Variants in UTRN observed in about 807,000 individuals in gnomAD.
UTRN encodes the protein utrophin.
A neutral mutation model predicts 463.9 loss-of-function variants in UTRN; 283 were observed. That is an observed-to-expected ratio of 0.61 (90% CI 0.55 to 0.67). UTRN has a LOEUF of 0.67. UTRN is among the 30% of genes least tolerant of loss of function. UTRN has a pLI of 0.00. For synonymous variants in UTRN, 1,442 were observed against 1,431.5 expected, an observed-to-expected ratio of 1.01 and a Z score of -0.17; for missense variants, 3,922 against 4,084.3, an observed-to-expected ratio of 0.96 and a Z score of 1.08.
At chr6:144,328,738 T>TC (rs1011409586) in intron 2 of UTRN, among the ~76,000 whole-genome samples, 9 of 151,986 alleles carry the variant, frequency 5.9e-5, no homozygotes, top group Admixed American at 3.3e-4. Flanking sequence ...TTTATCTTCA[T>TC]CCCCCCTTCA....
intron 43 of UTRN, among the ~76,000 whole-genome samples, chr6:144,536,778 A>C (rs190130378): frequency 3.3e-5 from 5 of 152,138 alleles, no homozygotes; most frequent in Non-Finnish European, 5.9e-5. Context: ...TAGCTTTCAA[A>C]TCCTTTTAAA....
intron 73 of UTRN, among the ~76,000 whole-genome samples, chr6:144,844,327 G>A (rs1781842480): frequency 6.6e-6 from 1 of 150,474 alleles, no homozygotes; most frequent in Non-Finnish European, 1.5e-5. Flanking sequence ...GGAGTTCAAT[G>A]GCACGATCTC....
At chr6:144,326,344 A>G (rs1344037193) in intron 2 of UTRN, among the ~76,000 whole-genome samples, 1 of 151,848 alleles carries the variant, frequency 6.6e-6, no homozygotes, top group Non-Finnish European at 1.5e-5. Context: ...TCAGCACCAA[A>G]TTCTTGCTGT....
chr6:144,675,702 G>T (rs116100697), intron 51 of UTRN, among the ~76,000 whole-genome samples: 1 of 152,138 alleles, frequency 6.6e-6, no homozygotes, highest in African/African-American at 2.4e-5. Context: ...GATGGGTAAG[G>T]CTGTAAAACT....
intron 51 of UTRN, among the ~76,000 whole-genome samples, chr6:144,664,860 T>C (rs1360118533): frequency 6.6e-6 from 1 of 151,508 alleles, no homozygotes; most frequent in African/African-American, 2.4e-5. Context: ...TTGCCTATTC[T>C]ATTATTATTT....
rs191636794 is a variant in UTRN, at chr6:144,767,030, A to G, written c.8496-4877A>G. On this transcript the variant is annotated intron_variant, in intron 58 of 74. Transcript: ENST00000367545. ...TGGAGAGAGAAAGGAGTCCTCATCTAGTAGTATTTAGGTTTTCAATGAAGC... is the reference window on the plus strand; with the variant it reads ...TGGAGAGAGAAAGGAGTCCTCATCTGGTAGTATTTAGGTTTTCAATGAAGC... Among the ~76,000 whole-genome samples the G allele has an allele frequency of 1.1e-4, 16 of 152,178 alleles. No individual in the cohort carries two copies. In the East Asian group the frequency reaches 3.1e-3, roughly 29 times the overall value.
chr6:144,664,714 T>C (rs557488077), intron 51 of UTRN, among the ~76,000 whole-genome samples: 54 of 152,046 alleles, frequency 3.6e-4, no homozygotes, highest in Non-Finnish European at 6.5e-4. Flanking sequence ...AGATTAGCTG[T>C]TGGAAGAAAA....
intron 58 of UTRN, among the ~76,000 whole-genome samples, chr6:144,771,282 A>G (rs1793970350): frequency 6.6e-6 from 1 of 152,144 alleles, no homozygotes; most frequent in South Asian, 2.1e-4. Flanking sequence ...TTATTATTAA[A>G]AAATTTTTAT....
At chr6:144,833,475 G>T (rs1780842591) in intron 69 of UTRN, among the ~76,000 whole-genome samples, 1 of 152,164 alleles carries the variant, frequency 6.6e-6, no homozygotes, top group Non-Finnish European at 1.5e-5. Flanking sequence ...GGATACATAT[G>T]AATGTGCTTC....
rs1220408577 is a variant in UTRN, at chr6:144,393,000, CATCCA to C, written c.80-10122_80-10118del. Among the ~76,000 whole-genome samples the C allele has an allele frequency of 7.8e-5, 4 of 51,274 alleles. No homozygotes were observed. In the African/African-American group the frequency reaches 1.2e-3, roughly 15 times the overall value. The allele number at this position is 51,274 out of a possible 152,430, so 33.6% of individuals were successfully genotyped here. ...AGGGCAAGGCTTTGTGTCCAGCTGC[CATCCA>C]TCCATCCATCCATCCATCCATCCAT... On this transcript the variant is annotated intron_variant, in intron 2 of 74. Coordinates refer to ENST00000367545, the MANE Select transcript of UTRN (RefSeq NM_007124.3).
At chr6:144,450,120 G>T (rs1211982249) in intron 17 of UTRN, among the ~76,000 whole-genome samples, 1 of 152,028 alleles carries the variant, frequency 6.6e-6, no homozygotes, top group Admixed American at 6.6e-5. Flanking sequence ...TATCTTAGTT[G>T]TGACTCCCGT....
At chr6:144,347,876 C>T (rs1584380924) in intron 2 of UTRN, among the ~76,000 whole-genome samples, 2 of 139,842 alleles carry the variant, frequency 1.4e-5, no homozygotes, top group East Asian at 4.0e-4. Flanking sequence ...CTAAGTCTCG[C>T]TGTGTTGCCC....
chr6:144,777,482 G>A (rs1232022810), intron 60 of UTRN, among the ~76,000 whole-genome samples: 2 of 152,140 alleles, frequency 1.3e-5, no homozygotes, highest in Non-Finnish European at 2.9e-5. Context: ...CCCCATAATT[G>A]TAAGAGGATG....
chr6:144,451,563 A>G, intron 18 of UTRN, 70 bp downstream of exon 18: 1 of 1,504,584 alleles, frequency 6.6e-7, no homozygotes, highest in Non-Finnish European at 8.9e-7. Flanking sequence ...CTGCTGGCAT[A>G]AAGACATTAT....
At chr6:144,447,516 A>C (rs548958096) in intron 15 of UTRN, 86 bp from the exon 16 acceptor site, 1 of 1,489,540 alleles carries the variant, frequency 6.7e-7, no homozygotes, top group African/African-American at 1.4e-5. Context: ...TTACTATAAA[A>C]GATACATGTT....
intron 73 of UTRN, among the ~76,000 whole-genome samples, chr6:144,841,091 C>G (rs1402497133): frequency 6.6e-6 from 1 of 152,092 alleles, no homozygotes; most frequent in Non-Finnish European, 1.5e-5. Flanking sequence ...AAAATGAAAG[C>G]AAATAAAATA....
intron 25 of UTRN, among the ~76,000 whole-genome samples, chr6:144,476,105 G>A (rs543650779): frequency 4.0e-5 from 6 of 149,582 alleles, no homozygotes; most frequent in Non-Finnish European, 6.0e-5. Context: ...TAGAGATGGG[G>A]TTCTTAGAGG....
chr6:144,414,010 G>T (rs1023511961), intron 3 of UTRN, among the ~76,000 whole-genome samples: 3 of 151,916 alleles, frequency 2.0e-5, no homozygotes, highest in African/African-American at 4.8e-5. Context: ...CACCATATTG[G>T]CAGGCTGGTC....
chr6:144,473,834 G>T lies in UTRN; in HGVS notation c.3180+1G>T. ...ACAGAGGCAGTTAGACCAGTGCTCT[G>T]TGAGTTCTGCTGATCTGGGGAACTT... On this transcript the variant is annotated splice_donor_variant, in intron 24 of 74. Coordinates refer to ENST00000367545, the MANE Select transcript of UTRN (RefSeq NM_007124.3). LOFTEE classifies it high-confidence loss of function. 6.2e-7 allele frequency: 1 copy of T among 1,606,860 alleles called. No homozygotes were observed. Among genetic ancestry groups the T allele is most frequent in the Non-Finnish European group, 8.5e-7 (1 of 1,174,382 alleles).
Sources: allele counts gnomAD v4.1 joint callset (sites outside exome capture counted in the v4.1 genomes callset), GRCh38; gene constraint gnomAD v4.1.1; transcripts MANE v1.5; gene names NCBI Gene and HGNC (gene_info 2026-07-23, HGNC 2026-07-21).